The following ARHGAP29 variants were observed in gnomAD, a reference collection of about 807,000 sequenced individuals.
ARHGAP29 encodes the protein Rho GTPase activating protein 29.
Under a neutral mutation model 122.6 loss-of-function variants are expected in ARHGAP29, and 43 were observed. The observed-to-expected ratio is 0.35, with a 90% CI of 0.27 to 0.45. The LOEUF (loss-of-function observed/expected upper bound fraction) is 0.45, where lower values mean the gene tolerates loss of function less well. Ranked by LOEUF, ARHGAP29 falls within the 20% of genes least tolerant of loss-of-function variation. ARHGAP29 has a pLI of 1.00. For missense variants in ARHGAP29, 1,303 were observed against 1,477.2 expected, an observed-to-expected ratio of 0.88 and a Z score of 1.93; for synonymous variants, 506 against 497.1, an observed-to-expected ratio of 1.02 and a Z score of -0.24.
intron 2 of ARHGAP29, among the ~76,000 whole-genome samples, chr1:94,228,660 G>C (rs888094535): frequency 6.6e-5 from 10 of 151,720 alleles, no homozygotes; most frequent in African/African-American, 2.4e-4. Flanking sequence ...GAGGGGCCTG[G>C]GTGATTAAAC....
chr1:94,212,813 C>T (rs1328959265), intron 3 of ARHGAP29, among the ~76,000 whole-genome samples: 4 of 151,936 alleles, frequency 2.6e-5, no homozygotes, highest in Admixed American at 2.6e-4. Context: ...TCTTTTTTGT[C>T]CTGCTCAGTG....
At chr1:94,271,182 G>A (rs778001904) in intron 1 of ARHGAP29, among the ~76,000 whole-genome samples, 6 of 152,198 alleles carry the variant, frequency 3.9e-5, no homozygotes, top group African/African-American at 1.4e-4. Flanking sequence ...TTGGCCAGAG[G>A]CCTCCTTCAA....
the ARHGAP29 span, among the ~76,000 whole-genome samples, chr1:94,307,895 C>T: frequency 6.6e-6 from 1 of 152,026 alleles, no homozygotes; most frequent in Non-Finnish European, 1.5e-5. Context: ...AAGACTTAAC[C>T]CAAGAAAAAG....
the ARHGAP29 span, among the ~76,000 whole-genome samples, chr1:94,285,891 GA>G: frequency 7.5e-4 from 93 of 124,496 alleles, no homozygotes; most frequent in South Asian, 5.2e-3. Flanking sequence ...AAAAAAAAAA[GA>G]AAAAAAAAAA....
At chr1:94,229,524 C>T (rs1272550110) in intron 2 of ARHGAP29, among the ~76,000 whole-genome samples, 1 of 151,494 alleles carries the variant, frequency 6.6e-6, no homozygotes, top group Non-Finnish European at 1.5e-5. Context: ...AAAAATCAAC[C>T]CAAAGGTAAA....
the ARHGAP29 span, among the ~76,000 whole-genome samples, chr1:94,287,258 C>T: frequency 6.6e-6 from 1 of 152,174 alleles, no homozygotes; most frequent in Non-Finnish European, 1.5e-5. Flanking sequence ...GTAATCCCCA[C>T]ATATTGAGGG....
At chr1:94,270,343 C>CA (rs1309937637) in intron 1 of ARHGAP29, among the ~76,000 whole-genome samples, 6 of 152,176 alleles carry the variant, frequency 3.9e-5, no homozygotes, top group Admixed American at 2.0e-4. Flanking sequence ...GTCTGATGAG[C>CA]CTTTTGGGTT....
At chr1:94,269,006 G>A (rs1048187448) in intron 1 of ARHGAP29, among the ~76,000 whole-genome samples, 1 of 151,994 alleles carries the variant, frequency 6.6e-6, no homozygotes, top group African/African-American at 2.4e-5. Flanking sequence ...TTTTTTAATG[G>A]TGCAATAACT....
At chr1:94,288,134 T>G in the ARHGAP29 span, among the ~76,000 whole-genome samples, 1 of 152,226 alleles carries the variant, frequency 6.6e-6, no homozygotes, top group Admixed American at 6.5e-5. Flanking sequence ...GCATTTCTAT[T>G]TCTCCACATC....
intron 12 of ARHGAP29, chr1:94,190,928 T>C (rs1650098032): frequency 6.6e-6 from 1 of 152,150 alleles, no homozygotes; most frequent in Non-Finnish European, 1.5e-5. Flanking sequence ...GAAAGGGTAT[T>C]TCCAACATGG....
chr1:94,196,399 C>T (rs1296872620), intron 12 of ARHGAP29, among the ~76,000 whole-genome samples: 11 of 149,948 alleles, frequency 7.3e-5, no homozygotes, highest in African/African-American at 2.2e-4. Context: ...GTAGCTGGGA[C>T]TACAGGCGCC....
chr1:94,282,738 G>A, the ARHGAP29 span, among the ~76,000 whole-genome samples: 1 of 152,152 alleles, frequency 6.6e-6, no homozygotes, highest in African/African-American at 2.4e-5. Flanking sequence ...TCTTCTGGAT[G>A]ATGAGAGGGG....
chr1:94,201,834 G>A lies in ARHGAP29; in HGVS notation c.1167C>T (p.Tyr389=), dbSNP rs367699405. The change falls in exon 12 of 23, where the codon TAC becomes TAT. Residue 389 remains tyrosine (Y), a synonymous_variant. Coordinates refer to ENST00000260526, the MANE Select transcript of ARHGAP29 (RefSeq NM_004815.4). The part of the protein sequence containing the change: ...LQKVEEANEL[Y]KVCVTNVEER... The stretch of plus-strand genomic sequence containing the variant: ...CTTCAACATTTGTCACACAAACTTT[G>A]TAAAGTTCATTTGCTTCTTCTACCT... 1.9e-6 allele frequency: 3 copies of A among 1,610,336 alleles called. No homozygotes were observed. The highest frequency in any genetic ancestry group is 1.3e-5 in the African/African-American group (1 of 74,692).
intron 1 of ARHGAP29, among the ~76,000 whole-genome samples, chr1:94,269,278 A>G (rs1269725322): frequency 1.3e-5 from 2 of 152,236 alleles, no homozygotes; most frequent in Admixed American, 6.5e-5. Context: ...TTCTGCTTAT[A>G]GACGACGAAA....
At chr1:94,246,835 A>G (rs1653817843) in intron 1 of ARHGAP29, among the ~76,000 whole-genome samples, 1 of 151,772 alleles carries the variant, frequency 6.6e-6, no homozygotes, top group Non-Finnish European at 1.5e-5. Context: ...GTCCCTTCCT[A>G]TTTTGCAGAG....
At chr1:94,211,411 G>C (rs755877225) in intron 3 of ARHGAP29, among the ~76,000 whole-genome samples, 1 of 151,584 alleles carries the variant, frequency 6.6e-6, no homozygotes, top group Non-Finnish European at 1.5e-5. Flanking sequence ...GTTGTAACTG[G>C]TGATTTCAAT....
chr1:94,304,201 G>A, the ARHGAP29 span, among the ~76,000 whole-genome samples: 1 of 152,166 alleles, frequency 6.6e-6, no homozygotes, highest in African/African-American at 2.4e-5. Context: ...GTGCAGTGGC[G>A]CCAGCACAGC....
Position 94,183,291 on chromosome 1 carries a change from A to G in ARHGAP29, c.2247+860T>C, listed in dbSNP as rs548697803. Among the ~76,000 whole-genome samples, 7 of 152,258 alleles carry G rather than the reference A, an allele frequency of 4.6e-5. No individual in the cohort carries two copies. In the South Asian group the frequency reaches 1.2e-3, roughly 27 times the overall value. ...GACTATCATCACTATTCTCTCTGAC[A>G]TTATCTCTTCATTTTCACCCGAGGA... On this transcript the variant is annotated intron_variant, in intron 19 of 22. Coordinates refer to ENST00000260526, the MANE Select transcript of ARHGAP29 (RefSeq NM_004815.4).
chr1:94,249,229 A>G (rs1435844612), intron 1 of ARHGAP29, among the ~76,000 whole-genome samples: 1 of 152,236 alleles, frequency 6.6e-6, no homozygotes, highest in Non-Finnish European at 1.5e-5. Context: ...GTGGCTCATG[A>G]TCATGGTTTT....
Sources: gnomAD v4.1 joint callset for allele counts (sites outside exome capture counted in the v4.1 genomes callset) on GRCh38, gnomAD v4.1.1 for gene constraint, MANE v1.5 for transcripts, NCBI Gene and HGNC (gene_info 2026-07-23, HGNC 2026-07-21) for gene names.